The following CHN2 variants were observed in gnomAD, a reference collection of about 807,000 sequenced individuals.
The protein encoded by CHN2 is chimerin 2.
A neutral mutation model predicts 56.3 loss-of-function variants in CHN2; 35 were observed. That is an observed-to-expected ratio of 0.62 (90% CI 0.47 to 0.82). CHN2 has a LOEUF of 0.82. Ranked by LOEUF, CHN2 falls within the 40% of genes least tolerant of loss-of-function variation. The pLI, the probability that CHN2 is intolerant of heterozygous loss-of-function variation, is 0.00. For missense variants in CHN2, 491 were observed against 580.5 expected (o/e 0.85, Z 1.58); for synonymous variants, 210 against 212.8 (o/e 0.99, Z 0.12).
chr7:29,448,172 C>G (rs576931448), intron 6 of CHN2, among the ~76,000 whole-genome samples: 171 of 152,186 alleles, frequency 1.1e-3, no homozygotes, highest in African/African-American at 3.9e-3. Flanking sequence ...TTTTCTGTAT[C>G]TAGTCTTTCC....
chr7:29,204,071 GT>G (rs1562828366), intron 1 of CHN2, among the ~76,000 whole-genome samples: 1 of 21,674 alleles, frequency 4.6e-5, no homozygotes. Context: ...CTCTCTCTGT[GT>G]GTGTGTGTGT....
At chr7:29,276,020 T>C (rs949182595) in intron 1 of CHN2, among the ~76,000 whole-genome samples, 34 of 151,918 alleles carry the variant, frequency 2.2e-4, no homozygotes, top group African/African-American at 8.2e-4. Flanking sequence ...TATGCCTGTA[T>C]GACAAACCTG....
At position 29,387,722 on chromosome 7, in the gene CHN2, T is replaced by C. The variant is rs116120668; in HGVS notation, c.145-5957T>C. Among the ~76,000 whole-genome samples the C allele has an allele frequency of 7.0e-3, 1,060 of 152,364 alleles. 15 individuals are homozygous for C. The highest frequency in any genetic ancestry group is 0.024 in the African/African-American group (992 of 41,586). On this transcript the variant is annotated intron_variant, in intron 3 of 12. Coordinates refer to ENST00000222792, the MANE Select transcript of CHN2 (RefSeq NM_004067.4). ...CTGTTTAAACATATAGCACATTATA[T>C]CTGTAATTTCCCTACCTTTTCCCTG...
intron 1 of CHN2, among the ~76,000 whole-genome samples, chr7:29,203,508 A>AATATAAT (rs1157288732): frequency 6.6e-6 from 1 of 151,744 alleles, no homozygotes; most frequent in African/African-American, 2.4e-5. Flanking sequence ...TATTAAGCTA[A>AATATAAT]ATATAATATA....
At chr7:29,511,275 C>T (rs1791347845) in intron 12 of CHN2, among the ~76,000 whole-genome samples, 1 of 147,316 alleles carries the variant, frequency 6.8e-6, no homozygotes, top group Admixed American at 6.8e-5. Flanking sequence ...AGAATATTCC[C>T]ATTCTGATTA....
At chr7:29,172,460 A>G (rs1796727110) in intron 2 of CHN2, among the ~76,000 whole-genome samples, 1 of 152,186 alleles carries the variant, frequency 6.6e-6, no homozygotes, top group South Asian at 2.1e-4. Context: ...CCACCCATTT[A>G]TCATCCAAAA....
At chr7:29,269,282 T>C (rs1165640836) in intron 1 of CHN2, among the ~76,000 whole-genome samples, 2 of 152,238 alleles carry the variant, frequency 1.3e-5, no homozygotes, top group African/African-American at 4.8e-5. Context: ...AGCTCTCACA[T>C]ATGAGTGAGA....
At position 29,147,962 on chromosome 7, in the gene CHN2, T is replaced by C. The variant is rs559759822; in HGVS notation, c.274+1002T>C. 5.9e-3 allele frequency among the ~76,000 whole-genome samples: 893 copies of C among 152,328 alleles called. 13 individuals are homozygous for C. Among genetic ancestry groups the C allele is most frequent in the African/African-American group, 0.02 (842 of 41,574 alleles). On this transcript the variant is annotated intron_variant, in intron 2 of 6. Transcript: ENST00000439384. ...GCAGGGAGAGGCGATTTCCAGTTCCTGGTTTGCAGCCACCTCCTCTCTTCC... is the reference window on the plus strand; with the variant it reads ...GCAGGGAGAGGCGATTTCCAGTTCCCGGTTTGCAGCCACCTCCTCTCTTCC...
intron 1 of CHN2, among the ~76,000 whole-genome samples, chr7:29,318,002 A>T (rs1795078950): frequency 6.6e-6 from 1 of 152,194 alleles, no homozygotes; most frequent in Non-Finnish European, 1.5e-5. Flanking sequence ...AAAAACAAAC[A>T]AAAAACAGAT....
intron 1 of CHN2, among the ~76,000 whole-genome samples, chr7:29,336,336 G>T (rs1333710452): frequency 6.6e-6 from 1 of 152,118 alleles, no homozygotes; most frequent in Non-Finnish European, 1.5e-5. Context: ...TTGAGGCTGG[G>T]CATGGTGACC....
intron 2 of CHN2, among the ~76,000 whole-genome samples, chr7:29,165,799 A>G (rs888052777): frequency 6.6e-6 from 1 of 152,134 alleles, no homozygotes; most frequent in Non-Finnish European, 1.5e-5. Context: ...TGAGGTGACC[A>G]TATGGTGTTT....
At chr7:29,266,522 A>C (rs1444149869) in intron 1 of CHN2, among the ~76,000 whole-genome samples, 1 of 152,208 alleles carries the variant, frequency 6.6e-6, no homozygotes, top group African/African-American at 2.4e-5. Context: ...TTCAGGTGGG[A>C]TCTAGCATTT....
intron 1 of CHN2, among the ~76,000 whole-genome samples, chr7:29,237,199 G>A (rs1787265468): frequency 6.6e-6 from 1 of 152,136 alleles, no homozygotes; most frequent in African/African-American, 2.4e-5. Context: ...CCATTATAAT[G>A]TATGAGATAG....
At chr7:29,419,806 G>T (rs564613288) in intron 6 of CHN2, among the ~76,000 whole-genome samples, 2 of 152,028 alleles carry the variant, frequency 1.3e-5, no homozygotes, top group Non-Finnish European at 2.9e-5. Flanking sequence ...CACACCGGCC[G>T]GGTGCAGTGG....
At chr7:29,156,532 G>A (rs1490761788) in intron 2 of CHN2, among the ~76,000 whole-genome samples, 1 of 152,062 alleles carries the variant, frequency 6.6e-6, no homozygotes, top group Non-Finnish European at 1.5e-5. Flanking sequence ...CCTTTTATTG[G>A]GGCTGAAATT....
At chr7:29,343,290 A>C (rs1797180023) in intron 1 of CHN2, among the ~76,000 whole-genome samples, 3 of 152,182 alleles carry the variant, frequency 2.0e-5, no homozygotes, top group South Asian at 4.1e-4. Context: ...AAGTAGGGAG[A>C]GTGCCTCGGG....
intron 6 of CHN2, among the ~76,000 whole-genome samples, chr7:29,469,865 G>C (rs532379591): frequency 6.6e-6 from 1 of 152,232 alleles, no homozygotes; most frequent in Non-Finnish European, 1.5e-5. Context: ...TACAGTGCCT[G>C]ATAAATAATA....
Position 29,443,739 on chromosome 7 carries a change from AGGGGGTGAGAGAGAGATGGCAG to A in CHN2, c.577-36525_577-36504del, listed in dbSNP as rs530591317. Among the ~76,000 whole-genome samples, 27 of 151,528 alleles carry A rather than the reference AGGGGGTGAGAGAGAGATGGCAG, an allele frequency of 1.8e-4. No individual in the cohort carries two copies. The East Asian group carries it at 2.3e-3, about 13-fold the overall frequency. ...AGACGTGCTGGCCTCAGGAAAGAGG[AGGGGGTGAGAGAGAGATGGCAG>A]GGGGGTGAGAGAGATGGCAGAGGTG... On this transcript the variant is annotated intron_variant, in intron 6 of 12. Transcript: ENST00000222792.
At chr7:29,256,440 T>G (rs914731642) in intron 1 of CHN2, among the ~76,000 whole-genome samples, 1 of 152,228 alleles carries the variant, frequency 6.6e-6, no homozygotes, top group Non-Finnish European at 1.5e-5. Flanking sequence ...ACGGGCATTT[T>G]TTGTTCTTTC....
Sources: allele counts gnomAD v4.1 joint callset (sites outside exome capture counted in the v4.1 genomes callset), GRCh38; gene constraint gnomAD v4.1.1; transcripts MANE v1.5; gene names NCBI Gene and HGNC (gene_info 2026-07-23, HGNC 2026-07-21).